MTHFD1L: variants seen among roughly 807,000 people sequenced by gnomAD.
The protein encoded by MTHFD1L is monofunctional C1-tetrahydrofolate synthase, mitochondrial.
Under a neutral mutation model 119.5 loss-of-function variants are expected in MTHFD1L, and 81 were observed. The ratio of observed to expected loss-of-function variants is 0.68; its 90% CI spans 0.57 to 0.82. MTHFD1L has a LOEUF of 0.82. Among genes scored for constraint, MTHFD1L ranks in the 40% least tolerant of loss-of-function variants. The pLI is 0.00. For missense variants in MTHFD1L, 1,125 were observed against 1,253.4 expected (o/e 0.90, Z 1.55); for synonymous variants, 430 against 475.2 (o/e 0.90, Z 1.24).
chr6:151,075,340 A>G (rs1792380316), intron 26 of MTHFD1L, among the ~76,000 whole-genome samples: 1 of 152,196 alleles, frequency 6.6e-6, no homozygotes, highest in Non-Finnish European at 1.5e-5. Context: ...AGAAAATTGA[A>G]TTGGTATATC....
At chr6:150,951,420 C>T (rs1422421081) in intron 16 of MTHFD1L, among the ~76,000 whole-genome samples, 3 of 152,140 alleles carry the variant, frequency 2.0e-5, no homozygotes, top group Non-Finnish European at 4.4e-5. Flanking sequence ...TTTTAAAAAC[C>T]TTGCTATACT....
chr6:151,030,219 TA>T (rs1785143195), intron 24 of MTHFD1L, among the ~76,000 whole-genome samples: 2 of 152,150 alleles, frequency 1.3e-5, no homozygotes, highest in Non-Finnish European at 2.9e-5. Context: ...TAACCACACA[TA>T]AGGAGGGGCT....
At chr6:150,897,584 TCAC>T (rs939550070) in intron 7 of MTHFD1L, among the ~76,000 whole-genome samples, 3 of 152,302 alleles carry the variant, frequency 2.0e-5, no homozygotes, top group African/African-American at 7.2e-5. Flanking sequence ...TACTTTGTAG[TCAC>T]CTGTGGCCAA....
intron 8 of MTHFD1L, among the ~76,000 whole-genome samples, chr6:150,917,387 T>G (rs1788157218): frequency 6.6e-6 from 1 of 152,002 alleles, no homozygotes; most frequent in Non-Finnish European, 1.5e-5. Context: ...GCCGGGAGTG[T>G]TGGCAGGTGC....
chr6:150,969,477 C>G, intron 19 of MTHFD1L, among the ~76,000 whole-genome samples: 1 of 139,622 alleles, frequency 7.2e-6, no homozygotes, highest in Non-Finnish European at 1.5e-5. Flanking sequence ...GCCTGGGCGA[C>G]AGATTGAGAC....
chr6:150,880,294 T>G (rs1189329328), intron 4 of MTHFD1L, among the ~76,000 whole-genome samples: 8 of 152,154 alleles, frequency 5.3e-5, no homozygotes. Context: ...TAACCACCAT[T>G]CTATTCTCTA....
chr6:151,054,555 T>C (rs1789584465), intron 26 of MTHFD1L, among the ~76,000 whole-genome samples: 1 of 152,172 alleles, frequency 6.6e-6, no homozygotes. Flanking sequence ...CAGTCAGTGC[T>C]CTCTACGTCA....
At chr6:151,061,334 C>T (rs77776258) in intron 26 of MTHFD1L, among the ~76,000 whole-genome samples, 4,877 of 152,230 alleles carry the variant, frequency 0.032, 153 homozygotes, top group Admixed American at 0.098. Flanking sequence ...TATGACGACA[C>T]CTGAAATATT....
chr6:151,090,712 A>G (rs902556339), intron 26 of MTHFD1L, among the ~76,000 whole-genome samples: 1 of 152,262 alleles, frequency 6.6e-6, no homozygotes, highest in Non-Finnish European at 1.5e-5. Flanking sequence ...GTGCTGGCAC[A>G]TCGCAGCCTC....
At chr6:150,943,393 G>T (rs1392496344) in intron 13 of MTHFD1L, among the ~76,000 whole-genome samples, 1 of 152,138 alleles carries the variant, frequency 6.6e-6, no homozygotes, top group East Asian at 1.9e-4. Context: ...CACTTTGCGG[G>T]GCTGAAGCGA....
At chr6:150,927,640 C>T (rs962263978) in intron 11 of MTHFD1L, among the ~76,000 whole-genome samples, 1 of 151,648 alleles carries the variant, frequency 6.6e-6, no homozygotes, top group South Asian at 2.1e-4. Flanking sequence ...TATTTTTAGT[C>T]GAGATGGGGT....
intron 16 of MTHFD1L, among the ~76,000 whole-genome samples, chr6:150,949,853 G>A (rs1176180727): frequency 6.6e-6 from 1 of 152,098 alleles, no homozygotes; most frequent in East Asian, 1.9e-4. Flanking sequence ...CGAGCAGGTC[G>A]CATGCATGTT....
Position 150,865,720 on chromosome 6 carries a change from T to TCCCGCCGCC in MTHFD1L, c.-102_-94dup. The TCCCGCCGCC allele has an allele frequency of 2.5e-6, 2 of 812,228 alleles. No homozygotes were observed. Among genetic ancestry groups the TCCCGCCGCC allele is most frequent in the Non-Finnish European group, 3.1e-6 (2 of 646,706 alleles). 50.3% of individuals were successfully genotyped at this position (812,228 alleles called of 1,614,324 possible). On this transcript the variant is annotated 5_prime_UTR_variant, in exon 1 of 28. Coordinates refer to ENST00000367321, the MANE Select transcript of MTHFD1L (RefSeq NM_015440.5). ...GGACGAGGAGGAAGCGCCAGGTCCT[T>TCCCGCCGCC]CCCGCCGCCGCCGCCGCCGCCGCCG...
At chr6:150,929,465 A>G (rs909064589) in intron 11 of MTHFD1L, among the ~76,000 whole-genome samples, 8 of 152,206 alleles carry the variant, frequency 5.3e-5, no homozygotes, top group African/African-American at 1.7e-4. Flanking sequence ...TGTCAATAAA[A>G]TCAGAAATCC....
At chr6:151,046,419 CAT>C (rs1407612846) in intron 26 of MTHFD1L, among the ~76,000 whole-genome samples, 1 of 145,264 alleles carries the variant, frequency 6.9e-6, no homozygotes, top group Non-Finnish European at 1.5e-5. Flanking sequence ...GATGTTGACT[CAT>C]ATACTTTCAT....
chr6:151,006,865 C>T (rs573747981), intron 20 of MTHFD1L, among the ~76,000 whole-genome samples: 2 of 152,132 alleles, frequency 1.3e-5, no homozygotes, highest in South Asian at 2.1e-4. Context: ...GATCAGCCCC[C>T]GTTATGTAAA....
intron 20 of MTHFD1L, among the ~76,000 whole-genome samples, chr6:150,985,558 G>A (rs965031772): frequency 1.3e-5 from 2 of 151,566 alleles, no homozygotes; most frequent in African/African-American, 2.4e-5. Flanking sequence ...CTACTTGGGG[G>A]GCTGAGGAAA....
At chr6:150,901,887 G>A (rs1434802179) in intron 7 of MTHFD1L, among the ~76,000 whole-genome samples, 1 of 152,054 alleles carries the variant, frequency 6.6e-6, no homozygotes, top group Non-Finnish European at 1.5e-5. Context: ...TCTGAACTGT[G>A]TTGGTAACAT....
At chr6:151,077,293 G>C (rs553492773) in intron 26 of MTHFD1L, among the ~76,000 whole-genome samples, 8 of 152,244 alleles carry the variant, frequency 5.3e-5, no homozygotes, top group African/African-American at 1.9e-4. Context: ...GCTTTCAGAG[G>C]GGGAAAAAAC....
Sources: allele counts gnomAD v4.1 joint callset (sites outside exome capture counted in the v4.1 genomes callset), GRCh38; gene constraint gnomAD v4.1.1; transcripts MANE v1.5; gene names NCBI Gene and HGNC (gene_info 2026-07-23, HGNC 2026-07-21).